Variants in TADA2B observed in about 807,000 individuals in gnomAD.
TADA2B encodes the protein transcriptional adapter 2-beta.
In TADA2B, 13 loss-of-function variants were observed where a neutral mutation model predicts 34.5. That is an observed-to-expected ratio of 0.38 (90% confidence interval 0.25 to 0.60). TADA2B has a LOEUF of 0.60. TADA2B is among the 20% of genes least tolerant of loss of function. The pLI, the probability that TADA2B is intolerant of heterozygous loss-of-function variation, is 0.65. For missense variants in TADA2B, 442 were observed against 575.0 expected, an observed-to-expected ratio of 0.77 and a Z score of 2.37; for synonymous variants, 240 against 243.4, an observed-to-expected ratio of 0.99 and a Z score of 0.13.
In TADA2B at chr4:7,043,412, G is replaced by T. The variant is rs930824308; in HGVS notation, c.-168G>T. The T allele has an allele frequency of 1.1e-4, 20 of 184,158 alleles. 1 individual carries two copies. Among genetic ancestry groups the T allele is most frequent in the African/African-American group, 3.4e-4 (14 of 41,366 alleles). The allele number at this position is 184,158 out of a possible 1,614,324, so 11.4% of individuals were successfully genotyped here. A position where few individuals can be genotyped will look rare whatever the true frequency, so the allele number is the denominator to read the frequency against. ...ACTGAGGGGGGACGCGGCCCGGCTG[G>T]CTGGCTCTGGCGGCGGCTGGGCTGG... On this transcript the variant is annotated 5_prime_UTR_variant, in exon 1 of 2. Transcript: ENST00000310074.
In TADA2B at chr4:7,056,686, GCT is replaced by G. The variant is rs1437179483; in HGVS notation, c.*1635_*1636del. ...CTATACTGCATGCTGACAGAGAAGC[GCT>G]CTTTTAGCTAAGCCCAGAACTTCTC... On this transcript the variant is annotated 3_prime_UTR_variant, in exon 2 of 2. Transcript: ENST00000310074. 1.3e-5 allele frequency: 2 copies of G among 152,164 alleles called. No individual in the cohort carries two copies. Among genetic ancestry groups the G allele is most frequent in the Non-Finnish European group, 2.9e-5 (2 of 68,042 alleles). The allele number at this position is 152,164 out of a possible 1,614,324, so 9.4% of individuals were successfully genotyped here. A position where few individuals can be genotyped will look rare whatever the true frequency, so the allele number is the denominator to read the frequency against.
chr4:7,044,286 CTG>C (rs146740498), intron 1 of TADA2B, among the ~76,000 whole-genome samples: 1,803 of 152,314 alleles, frequency 0.012, 34 homozygotes, highest in African/African-American at 0.041. Flanking sequence ...CTCGGGGTCT[CTG>C]GGGCGGCCCC....
chr4:7,044,231 G>GT (rs763091952), intron 1 of TADA2B, among the ~76,000 whole-genome samples: 1 of 152,242 alleles, frequency 6.6e-6, no homozygotes, highest in Non-Finnish European at 1.5e-5. Flanking sequence ...ACAGAAAGCG[G>GT]TGGGAGCACC....
At position 7,057,801 on chromosome 4, in the gene TADA2B, A is replaced by AAACT. The variant is rs1337980879; in HGVS notation, c.*2749_*2752dup. 5 of 152,250 alleles carry AAACT rather than the reference A, an allele frequency of 3.3e-5. No individual in the cohort carries two copies. The East Asian group carries it at 9.6e-4, about 29-fold the overall frequency. The allele number at this position is 152,250 out of a possible 1,614,324, so 9.4% of individuals were successfully genotyped here. A position where few individuals can be genotyped will look rare whatever the true frequency, so the allele number is the denominator to read the frequency against. On this transcript the variant is annotated 3_prime_UTR_variant, in exon 2 of 2. Transcript: ENST00000310074. ...ACTCCATCTCAAAAAAAATCTAAGC[A>AAACT]AACTATCTTTGAGTCAAAAAAAGTT...
chr4:7,045,957 G>A (rs948895795), intron 1 of TADA2B: 1 of 152,332 alleles, frequency 6.6e-6, no homozygotes, highest in African/African-American at 2.4e-5. Flanking sequence ...CACCTGGGGA[G>A]CTGGTGAAAA....
intron 1 of TADA2B, chr4:7,045,175 A>G (rs1287465711): frequency 6.6e-6 from 1 of 152,374 alleles, no homozygotes; most frequent in East Asian, 1.9e-4. Context: ...TCCTAGGCCC[A>G]GAGCTCTTCC....
In TADA2B at chr4:7,055,366, CTT is replaced by C. The variant is rs1455803537; in HGVS notation, c.*314_*315del. 7.5e-6 allele frequency: 2 copies of C among 265,338 alleles called. No homozygotes were observed. Among genetic ancestry groups the C allele is most frequent in the Non-Finnish European group, 1.4e-5 (2 of 140,630 alleles). The allele number at this position is 265,338 out of a possible 1,614,324, so 16.4% of individuals were successfully genotyped here. On this transcript the variant is annotated 3_prime_UTR_variant, in exon 2 of 2. Transcript: ENST00000310074. ...ATCATTTCCTTTTGAGTGTTCTTCT[CTT>C]TGGTACAAAAGCTATTGTGGGTGAC...
Position 7,054,668 on chromosome 4 carries a change from C to T in TADA2B, c.877C>T (p.Arg293Trp). 3 of 1,613,840 alleles carry T rather than the reference C, an allele frequency of 1.9e-6. No individual in the cohort carries two copies. The highest frequency in any genetic ancestry group is 2.5e-6 in the Non-Finnish European group (3 of 1,179,886). ...MLRAKIRELQRYRRNGITKME... is the reference protein window; with the variant it reads ...MLRAKIRELQWYRRNGITKME... The stretch of plus-strand genomic sequence containing the variant: ...CCGGGCCAAGATCCGAGAACTGCAG[C>T]GGTACCGGCGAAACGGGATCACCAA... Residue 293 changes from arginine (R) to tryptophan (W), a missense_variant, in exon 2 of 2, where the codon CGG becomes TGG. By Grantham distance (101) the Arg-to-Trp change is moderately radical (BLOSUM62 -3). Transcript: ENST00000310074.
intron 1 of TADA2B, 182 bp from the exon 2 acceptor site, chr4:7,053,880 T>G (rs1246991044): frequency 4.7e-6 from 3 of 635,130 alleles, no homozygotes; most frequent in Non-Finnish European, 7.9e-6. Flanking sequence ...TTCAACATTG[T>G]CATCTCTCCC....
rs574110694 is a variant in TADA2B, at chr4:7,047,379, G to A, written c.270+3530G>A. Among the ~76,000 whole-genome samples, 9 of 152,338 alleles carry A rather than the reference G, an allele frequency of 5.9e-5. No individual in the cohort carries two copies. In the South Asian group the frequency reaches 1.9e-3, roughly 32 times the overall value. ...ATCAAATGAGCATGTGAAGTTCTCT[G>A]TGAACCATGGAAGGCCTTGTGCACA... On this transcript the variant is annotated intron_variant, in intron 1 of 1. Coordinates refer to ENST00000310074, the MANE Select transcript of TADA2B (RefSeq NM_152293.3).
At position 7,043,837 on chromosome 4, in the gene TADA2B, C is replaced by T. The variant is rs1414905676; in HGVS notation, c.258C>T (p.Gly86=). 3 of 1,472,518 alleles carry T rather than the reference C, an allele frequency of 2.0e-6. No homozygotes were observed. Among genetic ancestry groups the T allele is most frequent in the African/African-American group, 1.4e-5 (1 of 69,166 alleles). 91.2% of individuals were successfully genotyped at this position (1,472,518 alleles called of 1,614,324 possible). A position where few individuals can be genotyped will look rare whatever the true frequency, so the allele number is the denominator to read the frequency against. Residue 86 remains glycine, a synonymous_variant, in exon 1 of 2, where the codon GGC becomes GGT. Coordinates refer to ENST00000310074, the MANE Select transcript of TADA2B (RefSeq NM_152293.3). The part of the protein sequence containing the change: ...QLLLDAIEQF[G]FGNWEDMAAH... ...TGCTGGACGCCATCGAGCAGTTCGG[C>T]TTCGGAAACTGGGTGAGCGGCGCGA...
chr4:7,044,582 G>T (rs1003852903), intron 1 of TADA2B, among the ~76,000 whole-genome samples: 1 of 152,200 alleles, frequency 6.6e-6, no homozygotes, highest in African/African-American at 2.4e-5. Flanking sequence ...CTGTCCTTGA[G>T]AGAGGAACAT....
chr4:7,043,765 G>T lies in TADA2B; in HGVS notation c.186G>T (p.Trp62Cys). 6.3e-7 allele frequency: 1 copy of T among 1,577,540 alleles called. No homozygotes were observed. Among genetic ancestry groups the T allele is most frequent in the Non-Finnish European group, 8.6e-7 (1 of 1,166,412 alleles). ...TGGACGGCGGGCGCTTCACGCTCTG[G>T]GGGCCCGAGGCCGAGGGCGGCTGGA... ...QLVDGGRFTL[W>C]GPEAEGGWTS... is the part of the protein sequence containing the mutation. The change falls in exon 1 of 2, where the codon TGG (tryptophan) becomes TGT (cysteine). Residue 62 changes from tryptophan (W) to cysteine (C), a missense_variant. Physicochemically the swap from Trp to Cys is radical, Grantham distance 215. This residue lies in a region of TADA2B where 102 missense variants were observed against 177.2 expected (regional missense o/e 0.58). Coordinates refer to ENST00000310074, the MANE Select transcript of TADA2B (RefSeq NM_152293.3).
intron 1 of TADA2B, 169 bp from the exon 2 acceptor site, chr4:7,053,893 G>A: frequency 1.4e-6 from 1 of 693,072 alleles, no homozygotes; most frequent in Non-Finnish European, 2.3e-6. Context: ...TCTCTCCCCT[G>A]AGCCCAGCTC....
intron 1 of TADA2B, among the ~76,000 whole-genome samples, chr4:7,045,316 C>T (rs1015435628): frequency 6.6e-6 from 1 of 152,214 alleles, no homozygotes; most frequent in Non-Finnish European, 1.5e-5. Context: ...CCACTTCTTA[C>T]AGCCGTAGTC....
intron 1 of TADA2B, among the ~76,000 whole-genome samples, chr4:7,051,407 G>T (rs563983593): frequency 6.6e-6 from 1 of 152,192 alleles, no homozygotes; most frequent in African/African-American, 2.4e-5. Context: ...CCAATGTCTG[G>T]CTGGGTGCTG....
At position 7,043,726 on chromosome 4, in the gene TADA2B, C is replaced by T. The variant is rs748076537; in HGVS notation, c.147C>T (p.His49=). The change falls in exon 1 of 2, where the codon CAC becomes CAT. Residue 49 remains histidine (H), a synonymous_variant. Transcript: ENST00000310074. ...GAEIGHHRRY[H]GYQLVDGGRF... Reference sequence around the variant, plus strand: ...AGATCGGCCACCACCGCCGCTACCACGGCTACCAGCTGGTGGACGGCGGGC... The same window carrying T: ...AGATCGGCCACCACCGCCGCTACCATGGCTACCAGCTGGTGGACGGCGGGC... 56 of 1,589,124 alleles carry T rather than the reference C, an allele frequency of 3.5e-5. No individual in the cohort carries two copies. Among genetic ancestry groups the T allele is most frequent in the East Asian group, 9.1e-5 (4 of 43,986 alleles).
intron 1 of TADA2B, chr4:7,045,714 T>G (rs554370094): frequency 6.6e-6 from 1 of 152,356 alleles, no homozygotes; most frequent in South Asian, 2.1e-4. Flanking sequence ...TGTGCGTATC[T>G]CAGGACATTT....
At position 7,054,209 on chromosome 4, in the gene TADA2B, G is replaced by T; in HGVS notation, c.418G>T (p.Gly140Ter). 6.2e-7 allele frequency: 1 copy of T among 1,606,558 alleles called. No homozygotes were observed. The highest frequency in any genetic ancestry group is 2.3e-5 in the East Asian group (1 of 44,346). The change falls in exon 2 of 2, where the codon GGA becomes TGA. Residue 140 changes from glycine (G) to a stop codon, truncating the protein, a stop_gained. Transcript: ENST00000310074. LOFTEE classifies it high-confidence loss of function. ...CGTGACAGACCACACCTGTCCCAGC[G>T]GAGGCCCCCTCTCACCCAGCCTCAC... ...NRVTDHTCPS[G>*]GPLSPSLTTP...
Sources: gnomAD v4.1 joint callset for allele counts (sites outside exome capture counted in the v4.1 genomes callset) on GRCh38, gnomAD v4.1.1 for gene constraint, gnomAD v4.1.1 regional missense constraint, MANE v1.5 for transcripts, NCBI Gene and HGNC (gene_info 2026-07-23, HGNC 2026-07-21) for gene names.